CASK: variants seen among roughly 807,000 people sequenced by gnomAD.
CASK encodes the protein peripheral plasma membrane protein CASK.
Under a neutral mutation model 82.9 loss-of-function variants are expected in CASK, and 4 were observed. That is an observed-to-expected ratio of 0.05 (90% CI 0.02 to 0.11). The LOEUF (loss-of-function observed/expected upper bound fraction) is 0.11. CASK is among the 10% of genes least tolerant of loss of function. The probability of loss-of-function intolerance (pLI) is 1.00; values close to 1 mark genes in which losing one functional copy is unlikely to be tolerated. For synonymous variants in CASK, 259 were observed against 253.5 expected (o/e 1.02, Z -0.20); for missense variants, 358 against 720.9 (o/e 0.50, Z 5.76).
At chrX:41,529,421 G>GGCA (rs1201649590) in intron 25 of CASK, 4 of 175,402 alleles carry the variant, frequency 2.3e-5, no homozygotes, top group African/African-American at 1.3e-4. Flanking sequence ...CGGTGGCGGC[G>GGCA]GCAGCAGCGG....
intron 3 of CASK, among the ~76,000 whole-genome samples, chrX:41,777,163 CA>C (rs1252499097): frequency 9.0e-6 from 1 of 111,219 alleles, no homozygotes; most frequent in Non-Finnish European, 1.9e-5. Context: ...TCTCAGAGAC[CA>C]AAAATAGAGT....
At chrX:41,786,757 C>T (rs1248849526) in intron 3 of CASK, 2 of 155,162 alleles carry the variant, frequency 1.3e-5, no homozygotes, top group Admixed American at 7.7e-5. Context: ...ATAAAATTGC[C>T]CTTATATGCC....
rs2070090478 is a variant in CASK at position 41,805,112 on chromosome X, T to C, written c.173-17829A>G. On this transcript the variant is annotated intron_variant, in intron 2 of 26. Coordinates refer to ENST00000378163, the MANE Select transcript of CASK (RefSeq NM_001367721.1). ...TTTATTTCTTGGTTAATTACAATGT[T>C]CAAACAGACTACTGGAAACAACTCC... is the stretch of plus-strand genomic sequence containing the variant. Among the ~76,000 whole-genome samples the C allele has an allele frequency of 3.6e-5, 4 of 111,921 alleles. No homozygotes were observed. In the South Asian group the frequency reaches 1.1e-3, roughly 31 times the overall value.
At position 41,739,367 on chromosome X, in the gene CASK, GA is replaced by G; in HGVS notation, c.429+16del. ...TTTCTTCACAAACATTAAAGTTAGT[GA>G]TAACAAATGACTTACCTTCACATCC... On this transcript the variant is annotated intron_variant, in intron 5 of 26. Coordinates refer to ENST00000378163, the MANE Select transcript of CASK (RefSeq NM_001367721.1). 1 of 1,033,785 alleles carries G rather than the reference GA, an allele frequency of 9.7e-7. No homozygotes were observed. The highest frequency in any genetic ancestry group is 1.4e-6 in the Non-Finnish European group (1 of 734,952). 85.2% of individuals were successfully genotyped at this position (1,033,785 alleles called of 1,213,427 possible).
chrX:41,646,140 C>T (rs2066754358), intron 8 of CASK, among the ~76,000 whole-genome samples: 1 of 111,532 alleles, frequency 9.0e-6, no homozygotes, highest in Non-Finnish European at 1.9e-5. Flanking sequence ...TAAAACAGGA[C>T]ATTTAGTCTC....
At position 41,749,376 on chromosome X, in the gene CASK, ATTTTTTTTTTTTTTTT is replaced by A. The variant is rs35045589; in HGVS notation, c.279-3791_279-3776del. 4.1e-5 allele frequency among the ~76,000 whole-genome samples: 3 copies of A among 72,385 alleles called. No individual in the cohort carries two copies. The South Asian group carries it at 1.9e-3, about 45-fold the overall frequency. The allele number at this position is 72,385 out of a possible 115,157, so 62.9% of individuals were successfully genotyped here. ...AAAAAAATCTCATTATTCTTCACCA[ATTTTTTTTTTTTTTTT>A]TTTTTTTTTTTTAGACAGAGTCTTG... On this transcript the variant is annotated intron_variant, in intron 3 of 26. Coordinates refer to ENST00000378163, the MANE Select transcript of CASK (RefSeq NM_001367721.1).
At chrX:41,599,364 G>A (rs2065864635) in intron 12 of CASK, among the ~76,000 whole-genome samples, 1 of 111,452 alleles carries the variant, frequency 9.0e-6, no homozygotes, top group Non-Finnish European at 1.9e-5. Context: ...CTAGTAATAC[G>A]CTGCTCTAAA....
At chrX:41,908,289 T>C (rs767331468) in intron 1 of CASK, among the ~76,000 whole-genome samples, 2 of 111,871 alleles carry the variant, frequency 1.8e-5, no homozygotes, top group Non-Finnish European at 3.8e-5. Flanking sequence ...GCAGGGAGAA[T>C]TGCTTGAACC....
intron 3 of CASK, among the ~76,000 whole-genome samples, chrX:41,748,987 A>G (rs999214488): frequency 9.0e-6 from 1 of 111,653 alleles, no homozygotes; most frequent in Non-Finnish European, 1.9e-5. Flanking sequence ...TCAAGTTACC[A>G]TTTAAAATAC....
chrX:41,910,366 G>A (rs2072541898), intron 1 of CASK, among the ~76,000 whole-genome samples: 1 of 111,785 alleles, frequency 8.9e-6, no homozygotes, highest in Non-Finnish European at 1.9e-5. Flanking sequence ...TTTACAAGAT[G>A]AAGAAACTGA....
At chrX:41,660,075 T>TATAA (rs1286702564) in intron 8 of CASK, 2 of 245,465 alleles carry the variant, frequency 8.1e-6, no homozygotes, top group Non-Finnish European at 1.4e-5. Flanking sequence ...TAGTTAATGC[T>TATAA]ATAAAGCACA....
rs200109251 is a variant in CASK at position 41,661,202 on chromosome X, T to C, written c.709-641A>G. 2.7e-5 allele frequency among the ~76,000 whole-genome samples: 3 copies of C among 111,609 alleles called. No homozygotes were observed. The East Asian group carries it at 8.5e-4, about 31-fold the overall frequency. The stretch of plus-strand genomic sequence containing the variant: ...AATTGTTCAAAAGACACAGGACTTA[T>C]GAGAAAGGCTGTGGATCTGTGAGCC... On this transcript the variant is annotated intron_variant, in intron 7 of 26. Transcript: ENST00000378163.
chrX:41,914,361 C>T (rs182657018), intron 1 of CASK, among the ~76,000 whole-genome samples: 3 of 112,395 alleles, frequency 2.7e-5, no homozygotes, highest in African/African-American at 9.7e-5. Flanking sequence ...CAATGTACAA[C>T]AGCCCAGTAA....
chrX:41,550,366 CT>C (rs755199759), intron 21 of CASK, among the ~76,000 whole-genome samples: 1 of 110,819 alleles, frequency 9.0e-6, no homozygotes, highest in African/African-American at 3.3e-5. Context: ...TAGTTTGATC[CT>C]TTTTATTGCT....
chrX:41,541,733 AT>A (rs2064948527), intron 22 of CASK, among the ~76,000 whole-genome samples: 1 of 112,012 alleles, frequency 8.9e-6, no homozygotes, highest in African/African-American at 3.2e-5. Context: ...TGTCAGAAAC[AT>A]TATGCCATCA....
chrX:41,622,513 A>T, intron 11 of CASK, 104 bp downstream of exon 11: 1 of 607,910 alleles, frequency 1.6e-6, no homozygotes, highest in Non-Finnish European at 2.6e-6. Context: ...TTAAACAACT[A>T]CACACAAACA....
Position 41,559,800 on chromosome X carries a change from G to A in CASK, c.1716C>T (p.Arg572=), listed in dbSNP as rs2065202541. The A allele has an allele frequency of 8.3e-7, 1 of 1,208,895 alleles. No individual in the cohort carries two copies. The highest frequency in any genetic ancestry group is 1.7e-5 in the African/African-American group (1 of 57,317). The change falls in exon 18 of 27, where the codon CGC becomes CGT. Residue 572 remains arginine (R), a synonymous_variant. Transcript: ENST00000378163. ...SITFKIVPSY[R]TQSSSCERDS... Reference sequence around the variant, plus strand: ...TTACCTCACAGGACGAAGACTGAGTGCGGTAACTTGGCACAATCTTGAAGG... The same window carrying A: ...TTACCTCACAGGACGAAGACTGAGTACGGTAACTTGGCACAATCTTGAAGG...
At chrX:41,729,206 T>A (rs1025824403) in intron 5 of CASK, 2 of 123,242 alleles carry the variant, frequency 1.6e-5, no homozygotes, top group African/African-American at 6.5e-5. Flanking sequence ...AGCTGGACAA[T>A]CTTAGGCAAA....
intron 25 of CASK, among the ~76,000 whole-genome samples, chrX:41,525,811 G>C (rs757544136): frequency 9.0e-6 from 1 of 111,675 alleles, no homozygotes; most frequent in Non-Finnish European, 1.9e-5. Context: ...TGACATGAAA[G>C]GTTCTTTCTT....
Sources: allele counts gnomAD v4.1 joint callset (sites outside exome capture counted in the v4.1 genomes callset), GRCh38; gene constraint gnomAD v4.1.1; transcripts MANE v1.5; gene names NCBI Gene and HGNC (gene_info 2026-07-23, HGNC 2026-07-21).